Variants in DCC observed in about 807,000 individuals in gnomAD.
DCC encodes DCC netrin 1 receptor, also known as netrin receptor DCC.
A neutral mutation model predicts 172.5 loss-of-function variants in DCC; 58 were observed. The ratio of observed to expected loss-of-function variants is 0.34; its 90% confidence interval spans 0.27 to 0.42. The LOEUF (loss-of-function observed/expected upper bound fraction) is 0.42, where lower values mean the gene tolerates loss of function less well. Among genes scored for constraint, DCC ranks in the 10% least tolerant of loss-of-function variants. The pLI, the probability that DCC is intolerant of heterozygous loss-of-function variation, is 1.00. For synonymous variants in DCC, 709 were observed against 644.5 expected (o/e 1.10, Z -1.52); for missense variants, 1,740 against 1,791.0 (o/e 0.97, Z 0.51).
intron 5 of DCC, among the ~76,000 whole-genome samples, chr18:53,005,599 G>A (rs567460001): frequency 7.9e-5 from 12 of 152,178 alleles, no homozygotes; most frequent in East Asian, 1.9e-4. Flanking sequence ...AAAGTGGTGC[G>A]TGCCTACAGT....
At chr18:53,180,681 TG>T (rs2055181063) in intron 9 of DCC, among the ~76,000 whole-genome samples, 1 of 152,224 alleles carries the variant, frequency 6.6e-6, no homozygotes, top group African/African-American at 2.4e-5. Flanking sequence ...TTTTTATTTT[TG>T]GGACGGAGTC....
chr18:52,808,245 G>T (rs2038125128), intron 2 of DCC, among the ~76,000 whole-genome samples: 1 of 152,106 alleles, frequency 6.6e-6, no homozygotes. Context: ...CTGGATTTTT[G>T]AATCAGAATT....
At chr18:52,595,169 G>A (rs562318846) in intron 1 of DCC, among the ~76,000 whole-genome samples, 2 of 152,122 alleles carry the variant, frequency 1.3e-5, no homozygotes, top group Non-Finnish European at 2.9e-5. Flanking sequence ...GCAAATTAAA[G>A]CACAAAAACT....
At chr18:52,784,275 T>C (rs1352831931) in intron 2 of DCC, among the ~76,000 whole-genome samples, 1 of 152,120 alleles carries the variant, frequency 6.6e-6, no homozygotes, top group Admixed American at 6.6e-5. Flanking sequence ...GTGAATGATA[T>C]TCTATTTTGT....
At chr18:52,426,409 C>T (rs988529742) in intron 1 of DCC, among the ~76,000 whole-genome samples, 8 of 151,310 alleles carry the variant, frequency 5.3e-5, no homozygotes, top group Admixed American at 1.3e-4. Flanking sequence ...CTTAAACATA[C>T]GTGGTCGTGG....
At position 52,519,397 on chromosome 18, in the gene DCC, T is replaced by C. The variant is rs569824159; in HGVS notation, c.91+178519T>C. Among the ~76,000 whole-genome samples, 8 of 151,308 alleles carry C rather than the reference T, an allele frequency of 5.3e-5. No homozygotes were observed. In the East Asian group the frequency reaches 1.5e-3, roughly 29 times the overall value. On this transcript the variant is annotated intron_variant, in intron 1 of 28. Transcript: ENST00000442544. Reference sequence around the variant, plus strand: ...TTTAAAAAGAAGCTGATGGGAGAAATAAGAGCCCCAGGGAATGGATGCTTA... The same window carrying C: ...TTTAAAAAGAAGCTGATGGGAGAAACAAGAGCCCCAGGGAATGGATGCTTA...
intron 1 of DCC, among the ~76,000 whole-genome samples, chr18:52,751,773 C>A (rs2036998104): frequency 6.6e-6 from 1 of 152,002 alleles, no homozygotes; most frequent in Non-Finnish European, 1.5e-5. Context: ...TTTTCATGTA[C>A]TGACTGATAT....
chr18:52,928,221 A>G, intron 5 of DCC, among the ~76,000 whole-genome samples: 1 of 152,118 alleles, frequency 6.6e-6, no homozygotes, highest in East Asian at 1.9e-4. Context: ...ACATGGACAC[A>G]AAGATGCAAA....
At chr18:53,024,221 G>A (rs989291154) in intron 5 of DCC, among the ~76,000 whole-genome samples, 11 of 152,148 alleles carry the variant, frequency 7.2e-5, no homozygotes, top group African/African-American at 2.2e-4. Context: ...ACTCTGAAGT[G>A]TTAGATGAAA....
chr18:52,858,338 A>G (rs941067336), intron 2 of DCC, among the ~76,000 whole-genome samples: 1 of 152,202 alleles, frequency 6.6e-6, no homozygotes, highest in African/African-American at 2.4e-5. Context: ...AGCAGCAGTA[A>G]CAGCAGTACT....
At chr18:52,347,879 A>G (rs1983948072) in intron 1 of DCC, among the ~76,000 whole-genome samples, 10 of 152,162 alleles carry the variant, frequency 6.6e-5, no homozygotes, top group Admixed American at 6.5e-4. Flanking sequence ...TACTATACAT[A>G]TAGTGTTTGG....
chr18:52,343,662 T>C (rs989825435), intron 1 of DCC, among the ~76,000 whole-genome samples: 2 of 152,210 alleles, frequency 1.3e-5, no homozygotes, highest in African/African-American at 4.8e-5. Context: ...ATTTTGGATG[T>C]TGGATGTTAA....
intron 1 of DCC, among the ~76,000 whole-genome samples, chr18:52,395,484 G>A (rs1278470620): frequency 2.0e-5 from 3 of 151,960 alleles, no homozygotes. Flanking sequence ...CAGCTTCGGG[G>A]TTGGTAACAG....
In DCC at chr18:52,808,793, ACTT is replaced by A. The variant is rs374561575; in HGVS notation, c.412+56426_412+56428del. On this transcript the variant is annotated intron_variant, in intron 2 of 28. Coordinates refer to ENST00000442544, the MANE Select transcript of DCC (RefSeq NM_005215.4). Reference sequence around the variant, plus strand: ...AAGTTTAACCCCATTGTCTGTACTCACTTCTTCTTTTGATTGTCAGTTTTCTAT... The same window carrying A: ...AAGTTTAACCCCATTGTCTGTACTCACTTCTTTTGATTGTCAGTTTTCTAT... 5.0e-4 allele frequency among the ~76,000 whole-genome samples: 76 copies of A among 152,182 alleles called. 2 individuals are homozygous for A. The highest frequency in any genetic ancestry group is 3.3e-3 in the East Asian group (17 of 5,174).
intron 13 of DCC, among the ~76,000 whole-genome samples, chr18:53,308,285 C>A (rs1008995084): frequency 4.0e-5 from 6 of 150,432 alleles, no homozygotes; most frequent in African/African-American, 1.5e-4. Flanking sequence ...AAGCAAATAC[C>A]CCAGTTTTAA....
At chr18:53,477,641 C>T (rs755511459) in intron 25 of DCC, among the ~76,000 whole-genome samples, 23 of 152,118 alleles carry the variant, frequency 1.5e-4, no homozygotes, top group Non-Finnish European at 3.1e-4. Context: ...AAAATGTTAA[C>T]AGATAAAACA....
At chr18:52,644,795 A>AAG (rs1568271775) in intron 1 of DCC, among the ~76,000 whole-genome samples, 22 of 50,888 alleles carry the variant, frequency 4.3e-4, no homozygotes, top group Middle Eastern at 8.1e-3. Context: ...AAAGAAGGAA[A>AAG]GAAGGAAGGA....
chr18:53,486,252 G>A (rs1455424544), intron 25 of DCC, among the ~76,000 whole-genome samples: 1 of 152,126 alleles, frequency 6.6e-6, no homozygotes, highest in Non-Finnish European at 1.5e-5. Context: ...CACCTGCACT[G>A]ATTTGGGTAT....
At chr18:53,447,940 A>G (rs1912717397) in intron 22 of DCC, among the ~76,000 whole-genome samples, 1 of 151,664 alleles carries the variant, frequency 6.6e-6, no homozygotes, top group East Asian at 1.9e-4. Context: ...AAGTGCTGTT[A>G]TTTAAAAACT....
Sources: gnomAD v4.1 joint callset for allele counts (sites outside exome capture counted in the v4.1 genomes callset) on GRCh38, gnomAD v4.1.1 for gene constraint, MANE v1.5 for transcripts, NCBI Gene and HGNC (gene_info 2026-07-23, HGNC 2026-07-21) for gene names.